Variants in UBE4B observed in about 807,000 individuals in gnomAD.
The protein encoded by UBE4B is ubiquitin conjugation factor E4 B.
UBE4B carries 27 observed loss-of-function variants against 148.1 expected under a neutral mutation model. The observed-to-expected ratio is 0.18, with a 90% confidence interval of 0.13 to 0.25. The LOEUF (loss-of-function observed/expected upper bound fraction) is 0.25, where lower values mean the gene tolerates loss of function less well. Among genes scored for constraint, UBE4B ranks in the 10% least tolerant of loss-of-function variants. The pLI is 1.00. For missense variants in UBE4B, 1,170 were observed against 1,662.4 expected, an observed-to-expected ratio of 0.70 and a Z score of 5.15; for synonymous variants, 596 against 619.3, an observed-to-expected ratio of 0.96 and a Z score of 0.56.
chr1:10,130,838 G>A (rs1444400283), intron 14 of UBE4B, 25 bp downstream of exon 14: 36 of 1,599,212 alleles, frequency 2.3e-5, no homozygotes, highest in Non-Finnish European at 3.0e-5. Flanking sequence ...AACAAATCCA[G>A]AGGAAGTATC....
intron 1 of UBE4B, among the ~76,000 whole-genome samples, chr1:10,049,054 T>C (rs1232980357): frequency 2.0e-5 from 3 of 152,212 alleles, no homozygotes. Flanking sequence ...GAGTTCCAAA[T>C]AATAAATTTT....
At chr1:10,048,189 G>A (rs1312339821) in intron 1 of UBE4B, among the ~76,000 whole-genome samples, 1 of 152,142 alleles carries the variant, frequency 6.6e-6, no homozygotes, top group Non-Finnish European at 1.5e-5. Flanking sequence ...CTACCACAGG[G>A]ATACCAGGAA....
At chr1:10,150,989 A>G (rs537669964) in intron 20 of UBE4B, among the ~76,000 whole-genome samples, 47 of 148,762 alleles carry the variant, frequency 3.2e-4, no homozygotes, top group African/African-American at 8.7e-4. Flanking sequence ...GTGAAACCCC[A>G]TCTCTACTAA....
intron 2 of UBE4B, among the ~76,000 whole-genome samples, chr1:10,079,597 C>T (rs1231910119): frequency 1.3e-5 from 2 of 152,140 alleles, no homozygotes; most frequent in Non-Finnish European, 2.9e-5. Context: ...AAAGACTTAG[C>T]AACTAGTCAA....
At chr1:10,111,666 A>C (rs1040213411) in intron 7 of UBE4B, among the ~76,000 whole-genome samples, 1 of 152,180 alleles carries the variant, frequency 6.6e-6, no homozygotes, top group Non-Finnish European at 1.5e-5. Flanking sequence ...TTGCTATTAG[A>C]AAATGCAAGG....
At chr1:10,149,647 AT>A (rs1416884483) in intron 20 of UBE4B, among the ~76,000 whole-genome samples, 1 of 152,250 alleles carries the variant, frequency 6.6e-6, no homozygotes, top group Non-Finnish European at 1.5e-5. Context: ...ATTTGTCTCA[AT>A]TGTAAAATTG....
rs143374384 is a variant in UBE4B, at chr1:10,123,273, A to G, written c.1554+1197A>G. ...TGGTGAAACCCGGTCTCTACTAAAA[A>G]TGCAAAAATTAACTGGGTGTGGTGA... On this transcript the variant is annotated intron_variant, in intron 10 of 27. Coordinates refer to ENST00000343090, the MANE Select transcript of UBE4B (RefSeq NM_001105562.3). 4.6e-3 allele frequency among the ~76,000 whole-genome samples: 697 copies of G among 152,080 alleles called. 3 individuals carry two copies. Among genetic ancestry groups the G allele is most frequent in the Middle Eastern group, 0.01 (3 of 294 alleles).
chr1:10,140,722 T>C (rs551206827), intron 17 of UBE4B, among the ~76,000 whole-genome samples: 2 of 152,308 alleles, frequency 1.3e-5, no homozygotes, highest in South Asian at 4.1e-4. Context: ...ACCTCATCTG[T>C]GTATTTTTCA....
At chr1:10,038,896 C>T (rs1293584590) in intron 1 of UBE4B, among the ~76,000 whole-genome samples, 5 of 151,946 alleles carry the variant, frequency 3.3e-5, no homozygotes, top group Admixed American at 2.0e-4. Flanking sequence ...CCCGTCTCTA[C>T]TAAAAATACA....
At chr1:10,085,361 T>C (rs1644748249) in intron 2 of UBE4B, among the ~76,000 whole-genome samples, 1 of 152,198 alleles carries the variant, frequency 6.6e-6, no homozygotes, top group Non-Finnish European at 1.5e-5. Flanking sequence ...GCCTCTTGAC[T>C]TCAGGCGGTT....
chr1:10,083,106 C>T (rs544731898), intron 2 of UBE4B, among the ~76,000 whole-genome samples: 25 of 152,070 alleles, frequency 1.6e-4, no homozygotes, highest in African/African-American at 5.8e-4. Flanking sequence ...ATAGTGCTAT[C>T]GTGTACATGT....
chr1:10,037,453 A>C (rs950385540), intron 1 of UBE4B, among the ~76,000 whole-genome samples: 7 of 152,210 alleles, frequency 4.6e-5, no homozygotes, highest in Admixed American at 2.6e-4. Context: ...GACTAAGTTC[A>C]TTCTCTTCAG....
intron 17 of UBE4B, 108 bp downstream of exon 17, chr1:10,137,313 C>T (rs770377942): frequency 7.1e-6 from 10 of 1,409,404 alleles, no homozygotes; most frequent in South Asian, 1.2e-5. Context: ...GAGGTATGTA[C>T]GTTATATAGT....
intron 17 of UBE4B, among the ~76,000 whole-genome samples, chr1:10,140,825 A>G (rs781337004): frequency 8.5e-5 from 13 of 152,188 alleles, no homozygotes; most frequent in Non-Finnish European, 1.6e-4. Context: ...ACATAAAGTA[A>G]ATCCACCTTA....
chr1:10,130,295 G>A (rs944155173), intron 12 of UBE4B, among the ~76,000 whole-genome samples: 3 of 151,896 alleles, frequency 2.0e-5, no homozygotes, highest in East Asian at 3.9e-4. Flanking sequence ...GGGTTGTCTC[G>A]GACTCCTGAC....
intron 11 of UBE4B, chr1:10,128,594 C>G (rs1645540758): frequency 6.6e-6 from 1 of 152,184 alleles, no homozygotes; most frequent in Non-Finnish European, 1.5e-5. Flanking sequence ...CCATGTGATC[C>G]TAATATGCAG....
chr1:10,137,244 T>C (rs1237535288), intron 17 of UBE4B, 39 bp downstream of exon 17: 4 of 1,611,892 alleles, frequency 2.5e-6, no homozygotes, highest in Non-Finnish European at 3.4e-6. Context: ...TTGCCTGAGT[T>C]ACCACTTTTT....
chr1:10,103,862 G>A (rs559923727), intron 5 of UBE4B, among the ~76,000 whole-genome samples: 3 of 152,190 alleles, frequency 2.0e-5, no homozygotes, highest in African/African-American at 7.2e-5. Flanking sequence ...TCCTGATCTC[G>A]TGATCCGCCC....
In UBE4B at chr1:10,131,063, C is replaced by T. The variant is rs1645585045; in HGVS notation, c.1911+250C>T. On this transcript the variant is annotated intron_variant, in intron 14 of 27. Transcript: ENST00000343090. Reference sequence around the variant, plus strand: ...CCTAAGCTTAGTGGCCCGGCTCCTCCTCCAGCTGGCCCTTAGGCATTTACA... The same window carrying T: ...CCTAAGCTTAGTGGCCCGGCTCCTCTTCCAGCTGGCCCTTAGGCATTTACA... Among the ~76,000 whole-genome samples, 3 of 152,246 alleles carry T rather than the reference C, an allele frequency of 2.0e-5. No individual in the cohort carries two copies. The South Asian group carries it at 6.2e-4, about 31-fold the overall frequency.
Sources: allele counts gnomAD v4.1 joint callset (sites outside exome capture counted in the v4.1 genomes callset), GRCh38; gene constraint gnomAD v4.1.1; transcripts MANE v1.5; gene names NCBI Gene and HGNC (gene_info 2026-07-23, HGNC 2026-07-21).